SORCS2: variants seen among roughly 807,000 people sequenced by gnomAD.
SORCS2 encodes the protein VPS10 domain-containing receptor SorCS2.
A neutral mutation model predicts 141.6 loss-of-function variants in SORCS2; 100 were observed. That is an observed-to-expected ratio of 0.71 (90% CI 0.60 to 0.83). SORCS2 has a LOEUF of 0.83. SORCS2 is among the 40% of genes least tolerant of loss of function. The probability of loss-of-function intolerance (pLI) is 0.00; values close to 1 mark genes in which losing one functional copy is unlikely to be tolerated. For missense variants in SORCS2, 1,646 were observed against 1,560.2 expected, an observed-to-expected ratio of 1.05 and a Z score of -0.93; for synonymous variants, 789 against 676.9, an observed-to-expected ratio of 1.17 and a Z score of -2.57.
chr4:7,733,969 A>G (rs1711932691), intron 24 of SORCS2, among the ~76,000 whole-genome samples: 1 of 152,102 alleles, frequency 6.6e-6, no homozygotes, highest in South Asian at 2.1e-4. Flanking sequence ...GGCATGGAAC[A>G]GCCTCCACAC....
In SORCS2 at chr4:7,255,752, C is replaced by T. The variant is rs186373175; in HGVS notation, c.480+62626C>T. Among the ~76,000 whole-genome samples, 23 of 152,254 alleles carry T rather than the reference C, an allele frequency of 1.5e-4. No homozygotes were observed. In the East Asian group the frequency reaches 3.5e-3, roughly 23 times the overall value. On this transcript the variant is annotated intron_variant, in intron 1 of 26. Transcript: ENST00000507866. ...CCTGTGGTGTTATCTGTCCACCTGC[C>T]ACAGACAGGCCAGGGCATGCCCTGG... is the stretch of plus-strand genomic sequence containing the variant.
chr4:7,511,396 C>T (rs1210660392), intron 2 of SORCS2, among the ~76,000 whole-genome samples: 3 of 124,156 alleles, frequency 2.4e-5, no homozygotes, highest in African/African-American at 6.0e-5. Flanking sequence ...CCAGAGATCC[C>T]TGCAGAGAGA....
intron 18 of SORCS2, among the ~76,000 whole-genome samples, chr4:7,719,090 C>T (rs551208470): frequency 2.6e-5 from 4 of 152,374 alleles, no homozygotes; most frequent in South Asian, 4.1e-4. Context: ...TCTCCCGGCA[C>T]GCAGCTTTCC....
chr4:7,409,166 CATT>C (rs1398208470), intron 2 of SORCS2, among the ~76,000 whole-genome samples: 1 of 152,092 alleles, frequency 6.6e-6, no homozygotes, highest in Non-Finnish European at 1.5e-5. Flanking sequence ...TTAAAGGATT[CATT>C]ATTTACTATA....
intron 23 of SORCS2, among the ~76,000 whole-genome samples, chr4:7,732,866 G>T (rs987395734): frequency 1.3e-5 from 2 of 152,084 alleles, no homozygotes; most frequent in Admixed American, 1.3e-4. Context: ...GTACAAAGGA[G>T]GACACCGAGG....
chr4:7,305,796 G>A (rs1016729205), intron 1 of SORCS2, among the ~76,000 whole-genome samples: 6 of 152,202 alleles, frequency 3.9e-5, no homozygotes, highest in South Asian at 2.1e-4. Context: ...GGCTGGGCCC[G>A]GGCACGCCCA....
Position 7,396,291 on chromosome 4 carries a change from A to T in SORCS2, c.484A>T (p.Ile162Phe). Reference protein sequence around the residue: ...VHWTGENSSVILILTKYYHAD... With the variant: ...VHWTGENSSVFLILTKYYHAD... ...TTACTTTCTGTTAACACCACAGGTGATCTTGATCCTGACGAAGTACTACCA... is the reference window on the plus strand; with the variant it reads ...TTACTTTCTGTTAACACCACAGGTGTTCTTGATCCTGACGAAGTACTACCA... Residue 162 changes from isoleucine (I) to phenylalanine (F), a missense_variant, in exon 2 of 27, where the codon ATC becomes TTC. Ile to Phe is a conservative substitution (Grantham distance 21). Coordinates refer to ENST00000507866, the MANE Select transcript of SORCS2 (RefSeq NM_020777.3). 6.2e-7 allele frequency: 1 copy of T among 1,613,834 alleles called. No individual in the cohort carries two copies.
In SORCS2 at chr4:7,688,743, T is replaced by C. The variant is rs185433478; in HGVS notation, c.1489-743T>C. The stretch of plus-strand genomic sequence containing the variant: ...TTAGGAAGGCTGAGCCCAGAGTCAT[T>C]ACCCCACAAAGCCTTTTGGCATCTG... On this transcript the variant is annotated intron_variant, in intron 10 of 26. Coordinates refer to ENST00000507866, the MANE Select transcript of SORCS2 (RefSeq NM_020777.3). 3.3e-5 allele frequency among the ~76,000 whole-genome samples: 5 copies of C among 152,314 alleles called. No individual in the cohort carries two copies. The East Asian group carries it at 7.7e-4, about 24-fold the overall frequency.
At chr4:7,691,266 C>T (rs1466722388) in intron 11 of SORCS2, among the ~76,000 whole-genome samples, 2 of 152,244 alleles carry the variant, frequency 1.3e-5, no homozygotes, top group Admixed American at 6.5e-5. Flanking sequence ...CGAGCTGGGG[C>T]CTGGCCCAGG....
intron 3 of SORCS2, among the ~76,000 whole-genome samples, chr4:7,532,489 G>A (rs1240003977): frequency 6.6e-6 from 1 of 152,244 alleles, no homozygotes; most frequent in Non-Finnish European, 1.5e-5. Flanking sequence ...GACTTTGAAG[G>A]AGAAATCTGA....
rs768181356 is a variant in SORCS2 at position 7,733,376 on chromosome 4, C to G, written c.3163C>G (p.Arg1055Gly). 3 of 1,589,102 alleles carry G rather than the reference C, an allele frequency of 1.9e-6. No individual in the cohort carries two copies. The African/African-American group carries it at 4.0e-5, about 21-fold the overall frequency. The stretch of plus-strand genomic sequence containing the variant: ...CGCACAGAAGATCAGCTTCCTCCTG[C>G]GAGGCGGAGTCCGGGTCCTGGTGGC... Reference protein sequence around the residue: ...LNAQKISFLLRGGVRVLVALR... With the variant: ...LNAQKISFLLGGGVRVLVALR... The change falls in exon 24 of 27, where the codon CGA (arginine) becomes GGA (glycine). Residue 1055 changes from arginine to glycine, a missense_variant. Physicochemically the swap from Arg to Gly is moderately radical, Grantham distance 125. Transcript: ENST00000507866.
chr4:7,313,390 A>G (rs1289922766), intron 1 of SORCS2, among the ~76,000 whole-genome samples: 2 of 152,224 alleles, frequency 1.3e-5, no homozygotes, highest in Admixed American at 1.3e-4. Context: ...CTGGGGGAAG[A>G]CAGGCCCAGA....
At chr4:7,501,817 A>G (rs1340489627) in intron 2 of SORCS2, among the ~76,000 whole-genome samples, 1 of 152,190 alleles carries the variant, frequency 6.6e-6, no homozygotes, top group East Asian at 1.9e-4. Flanking sequence ...TTAATTATGT[A>G]CCTGACAGCA....
chr4:7,335,516 G>A (rs1441959783), intron 1 of SORCS2, among the ~76,000 whole-genome samples: 3 of 152,172 alleles, frequency 2.0e-5, no homozygotes, highest in African/African-American at 4.8e-5. Flanking sequence ...ACCCTGCCCC[G>A]CCTCTTGCTC....
chr4:7,204,410 G>C (rs971070290), intron 1 of SORCS2, among the ~76,000 whole-genome samples: 2 of 152,016 alleles, frequency 1.3e-5, no homozygotes, highest in African/African-American at 4.8e-5. Context: ...AGAGATGGGG[G>C]TTTTGCTGTA....
intron 1 of SORCS2, among the ~76,000 whole-genome samples, chr4:7,390,802 G>T (rs1723809670): frequency 6.6e-6 from 1 of 152,208 alleles, no homozygotes; most frequent in Non-Finnish European, 1.5e-5. Context: ...TGGTCTTTTA[G>T]AAACTCCCAG....
At chr4:7,474,020 G>C (rs1730139581) in intron 2 of SORCS2, among the ~76,000 whole-genome samples, 1 of 152,330 alleles carries the variant, frequency 6.6e-6, no homozygotes, top group South Asian at 2.1e-4. Context: ...ATGAAGCTCT[G>C]TGCCTTGGCA....
At chr4:7,540,810 A>T (rs1712586346) in intron 3 of SORCS2, among the ~76,000 whole-genome samples, 1 of 152,046 alleles carries the variant, frequency 6.6e-6, no homozygotes, top group South Asian at 2.1e-4. Context: ...TGAAGTGGGG[A>T]TGAACATTAC....
intron 2 of SORCS2, among the ~76,000 whole-genome samples, chr4:7,494,400 C>T (rs1447627213): frequency 6.6e-6 from 1 of 152,190 alleles, no homozygotes; most frequent in African/African-American, 2.4e-5. Flanking sequence ...GCTTAAACAA[C>T]AGCCATTTGT....
Sources: gnomAD v4.1 joint callset for allele counts (sites outside exome capture counted in the v4.1 genomes callset) on GRCh38, gnomAD v4.1.1 for gene constraint, MANE v1.5 for transcripts, NCBI Gene and HGNC (gene_info 2026-07-23, HGNC 2026-07-21) for gene names.